Variants in KCNQ5 observed in about 807,000 individuals in gnomAD.
KCNQ5 encodes potassium voltage-gated channel subfamily KQT member 5.
KCNQ5 carries 30 observed loss-of-function variants against 98.2 expected under a neutral mutation model. The observed-to-expected ratio is 0.31, with a 90% CI of 0.23 to 0.41. KCNQ5 has a LOEUF of 0.41. Among genes scored for constraint, KCNQ5 ranks in the 10% least tolerant of loss-of-function variants. The pLI, the probability that KCNQ5 is intolerant of heterozygous loss-of-function variation, is 1.00. For synonymous variants in KCNQ5, 458 were observed against 449.4 expected, an observed-to-expected ratio of 1.02 and a Z score of -0.24; for missense variants, 835 against 1,182.5, an observed-to-expected ratio of 0.71 and a Z score of 4.31.
intron 1 of KCNQ5, among the ~76,000 whole-genome samples, chr6:72,773,735 CT>C (rs1773025414): frequency 6.6e-6 from 1 of 151,980 alleles, no homozygotes; most frequent in African/African-American, 2.4e-5. Flanking sequence ...AAATGGAAAT[CT>C]TTTTTTCACT....
At chr6:73,000,220 A>G (rs974625182) in intron 1 of KCNQ5, among the ~76,000 whole-genome samples, 1 of 152,144 alleles carries the variant, frequency 6.6e-6, no homozygotes, top group South Asian at 2.1e-4. Flanking sequence ...TCAGCCCAAC[A>G]TCTGAACACT....
At chr6:72,756,196 A>T (rs761044910) in intron 1 of KCNQ5, among the ~76,000 whole-genome samples, 2 of 152,176 alleles carry the variant, frequency 1.3e-5, no homozygotes, top group African/African-American at 2.4e-5. Flanking sequence ...AATACTTTGT[A>T]TGTCCCTCTT....
chr6:73,010,503 G>A (rs1770016500), intron 2 of KCNQ5, among the ~76,000 whole-genome samples: 2 of 151,810 alleles, frequency 1.3e-5, no homozygotes, highest in African/African-American at 2.4e-5. Flanking sequence ...AGTACTAGAC[G>A]GCTGTACTAA....
intron 1 of KCNQ5, among the ~76,000 whole-genome samples, chr6:72,865,655 G>C (rs1777951015): frequency 6.6e-6 from 1 of 152,062 alleles, no homozygotes; most frequent in Non-Finnish European, 1.5e-5. Flanking sequence ...TAATTCCAAA[G>C]CCAACAGTGT....
intron 1 of KCNQ5, among the ~76,000 whole-genome samples, chr6:72,898,273 T>C (rs1779334746): frequency 6.6e-6 from 1 of 152,158 alleles, no homozygotes; most frequent in African/African-American, 2.4e-5. Context: ...AGTGAGGTTT[T>C]AAGCCCTGCA....
intron 5 of KCNQ5, among the ~76,000 whole-genome samples, chr6:73,096,870 C>T (rs111318027): frequency 0.018 from 2,749 of 152,094 alleles, 96 homozygotes; most frequent in African/African-American, 0.062. Context: ...TGGTGAAACC[C>T]TGTCTCTACT....
chr6:73,020,920 G>GCACA lies in KCNQ5; in HGVS notation c.489+16935_489+16938dup, dbSNP rs61611777. On this transcript the variant is annotated intron_variant, in intron 2 of 13. Coordinates refer to ENST00000370398, the MANE Select transcript of KCNQ5 (RefSeq NM_019842.4). The stretch of plus-strand genomic sequence containing the variant: ...ATTTCCCTTAAAGGTGCCCACACAT[G>GCACA]CACACACACACACACAGTCATGTGC... Among the ~76,000 whole-genome samples, 139 of 150,816 alleles carry GCACA rather than the reference G, an allele frequency of 9.2e-4. 1 individual carries two copies. The highest frequency in any genetic ancestry group is 3.3e-3 in the African/African-American group (135 of 41,156).
At chr6:73,191,949 A>G (rs1270277030) in intron 12 of KCNQ5, among the ~76,000 whole-genome samples, 2 of 152,208 alleles carry the variant, frequency 1.3e-5, no homozygotes, top group Non-Finnish European at 1.5e-5. Context: ...GCTTTAATTC[A>G]TTCTGTAACA....
chr6:72,986,144 C>A (rs368879580), intron 1 of KCNQ5, among the ~76,000 whole-genome samples: 1 of 152,126 alleles, frequency 6.6e-6, no homozygotes, highest in Non-Finnish European at 1.5e-5. Context: ...ACAGGAGAAT[C>A]GCTTGAACCC....
chr6:72,698,648 C>CTT (rs753567095), intron 1 of KCNQ5, among the ~76,000 whole-genome samples: 218 of 94,004 alleles, frequency 2.3e-3, no homozygotes, highest in Non-Finnish European at 3.7e-3. Context: ...TCTTCTTCTT[C>CTT]TTTTTTTTTT....
intron 3 of KCNQ5, among the ~76,000 whole-genome samples, chr6:73,076,265 G>A (rs745588025): frequency 3.5e-4 from 53 of 152,230 alleles, no homozygotes; most frequent in Non-Finnish European, 6.8e-4. Flanking sequence ...GAGGATGACA[G>A]AAACATTACA....
intron 3 of KCNQ5, among the ~76,000 whole-genome samples, chr6:73,057,095 T>C (rs1480828014): frequency 6.6e-6 from 1 of 152,082 alleles, no homozygotes; most frequent in Non-Finnish European, 1.5e-5. Context: ...CCATCAATGA[T>C]AGACTGGATT....
chr6:73,067,382 G>A (rs1773101053), intron 3 of KCNQ5, among the ~76,000 whole-genome samples: 1 of 151,996 alleles, frequency 6.6e-6, no homozygotes, highest in Non-Finnish European at 1.5e-5. Flanking sequence ...TTTAGATTGA[G>A]AGTTAACATG....
rs559234154 is a variant in KCNQ5, at chr6:73,133,054, A to G, written c.1248-367A>G. ...GAGATATGCTCCCAAACAAAAAATA[A>G]TTTTTTAAATCTCAAAAGTTGAGGT... On this transcript the variant is annotated intron_variant, in intron 9 of 13. Coordinates refer to ENST00000370398, the MANE Select transcript of KCNQ5 (RefSeq NM_019842.4). 3.3e-5 allele frequency among the ~76,000 whole-genome samples: 5 copies of G among 152,336 alleles called. No homozygotes were observed. The East Asian group carries it at 9.6e-4, about 29-fold the overall frequency.
In KCNQ5 at chr6:72,913,656, G is replaced by A. The variant is rs142177836; in HGVS notation, c.399-90252G>A. ...TTGTGTAAAGTCTATCTGTTCTCATGTGAAATCTGTAGACATTTTAAACAG... is the reference window on the plus strand; with the variant it reads ...TTGTGTAAAGTCTATCTGTTCTCATATGAAATCTGTAGACATTTTAAACAG... On this transcript the variant is annotated intron_variant, in intron 1 of 13. Coordinates refer to ENST00000370398, the MANE Select transcript of KCNQ5 (RefSeq NM_019842.4). Among the ~76,000 whole-genome samples, 230 of 152,268 alleles carry A rather than the reference G, an allele frequency of 1.5e-3. 2 individuals are homozygous for A. The highest frequency in any genetic ancestry group is 5.2e-3 in the African/African-American group (217 of 41,550).
chr6:72,866,623 T>C (rs1014644278), intron 1 of KCNQ5, among the ~76,000 whole-genome samples: 1 of 152,200 alleles, frequency 6.6e-6, no homozygotes, highest in Admixed American at 6.5e-5. Context: ...AAAGAGATGA[T>C]ACAGTTGTGC....
chr6:72,878,524 C>T (rs955875434), intron 1 of KCNQ5, among the ~76,000 whole-genome samples: 5 of 152,128 alleles, frequency 3.3e-5, no homozygotes, highest in African/African-American at 1.2e-4. Flanking sequence ...TTCTCTACCC[C>T]ATGACAGGGA....
intron 11 of KCNQ5, among the ~76,000 whole-genome samples, chr6:73,187,251 G>T (rs536754055): frequency 8.6e-5 from 13 of 151,908 alleles, no homozygotes; most frequent in Non-Finnish European, 1.6e-4. Context: ...AGTAGAGATG[G>T]GGTTTCACCG....
intron 5 of KCNQ5, among the ~76,000 whole-genome samples, chr6:73,085,253 C>T (rs550978160): frequency 7.0e-4 from 107 of 152,264 alleles, no homozygotes; most frequent in South Asian, 2.7e-3. Flanking sequence ...AATTTTATGT[C>T]TGGTGCTATC....
Sources: allele counts gnomAD v4.1 joint callset (sites outside exome capture counted in the v4.1 genomes callset), GRCh38; gene constraint gnomAD v4.1.1; transcripts MANE v1.5; gene names NCBI Gene and HGNC (gene_info 2026-07-23, HGNC 2026-07-21).